TMEM143: variants seen among roughly 807,000 people sequenced by gnomAD.
TMEM143 encodes transmembrane protein 143.
A neutral mutation model predicts 40.3 loss-of-function variants in TMEM143; 45 were observed. The ratio of observed to expected loss-of-function variants is 1.12; its 90% CI spans 0.88 to 1.43. The LOEUF is 1.43. TMEM143 is among the 40% of genes most tolerant of loss of function. The probability of loss-of-function intolerance (pLI) is 0.00; values close to 1 mark genes in which losing one functional copy is unlikely to be tolerated. For synonymous variants in TMEM143, 299 were observed against 282.7 expected (o/e 1.06, Z -0.58); for missense variants, 620 against 613.4 (o/e 1.01, Z -0.11).
chr19:48,344,942 A>T (rs1218738411), intron 4 of TMEM143, among the ~76,000 whole-genome samples: 1 of 152,192 alleles, frequency 6.6e-6, no homozygotes, highest in African/African-American at 2.4e-5. Context: ...TCTTGACCTC[A>T]GGTGATCCAC....
intron 3 of TMEM143, among the ~76,000 whole-genome samples, chr19:48,359,153 G>GAACAAAAACTCCATCTGAGA (rs1377922993): frequency 6.6e-6 from 1 of 151,976 alleles, no homozygotes; most frequent in Non-Finnish European, 1.5e-5. Context: ...CTGGGCAACA[G>GAACAAAAACTCCATCTGAGA]AACAAAAACT....
intron 3 of TMEM143, among the ~76,000 whole-genome samples, chr19:48,354,560 C>T (rs769093156): frequency 1.3e-5 from 2 of 152,108 alleles, no homozygotes; most frequent in African/African-American, 2.4e-5. Flanking sequence ...TCACTGTGCC[C>T]GGCCAAATTT....
rs771765528 is a variant in TMEM143 at position 48,333,983 on chromosome 19, G to A, written c.1165+25C>T. The A allele has an allele frequency of 1.3e-6, 2 of 1,509,476 alleles. No individual in the cohort carries two copies. Among genetic ancestry groups the A allele is most frequent in the Non-Finnish European group, 1.8e-6 (2 of 1,129,312 alleles). 93.5% of individuals were successfully genotyped at this position (1,509,476 alleles called of 1,614,324 possible). On this transcript the variant is annotated intron_variant, in intron 7 of 7. Transcript: ENST00000293261. The surrounding 1 kb of genome is among the most constrained non-coding windows in gnomAD (Gnocchi z 4.1). ...CCTCGCGGGGGTGTGGCCCCTGGGGGCAGGGTCCCAGGGCCACGTCCTACC... is the reference window on the plus strand; with the variant it reads ...CCTCGCGGGGGTGTGGCCCCTGGGGACAGGGTCCCAGGGCCACGTCCTACC...
chr19:48,355,690 T>C (rs1969873957), intron 3 of TMEM143, among the ~76,000 whole-genome samples: 1 of 152,198 alleles, frequency 6.6e-6, no homozygotes, highest in Non-Finnish European at 1.5e-5. Flanking sequence ...GCAGCAGGCC[T>C]GGGTTGTCCA....
intron 6 of TMEM143, among the ~76,000 whole-genome samples, chr19:48,335,267 G>A (rs1281154351): frequency 2.0e-5 from 3 of 152,024 alleles, no homozygotes; most frequent in Non-Finnish European, 4.4e-5. Flanking sequence ...CTATAATGAA[G>A]GAAAAAATGG....
intron 3 of TMEM143, among the ~76,000 whole-genome samples, chr19:48,352,250 A>AAAAAAAAAAC (rs1478634462): frequency 6.8e-6 from 1 of 147,722 alleles, no homozygotes; most frequent in African/African-American, 2.5e-5. Flanking sequence ...CTGTCTCAAA[A>AAAAAAAAAAC]AAAAAAAAAA....
chr19:48,333,478 G>A lies in TMEM143; in HGVS notation c.1166-45C>T. 1 of 1,393,572 alleles carries A rather than the reference G, an allele frequency of 7.2e-7. No individual in the cohort carries two copies. Among genetic ancestry groups the A allele is most frequent in the African/African-American group, 1.4e-5 (1 of 70,354 alleles). 86.3% of individuals were successfully genotyped at this position (1,393,572 alleles called of 1,614,324 possible). ...TGTTCTGAGGTCACACTGAGATCGG[G>A]GAAGATTCGAGGGAGCAGCAAGGAG... On this transcript the variant is annotated intron_variant, in intron 7 of 7. Coordinates refer to ENST00000293261, the MANE Select transcript of TMEM143 (RefSeq NM_018273.4). This position sits in a 1 kb window ranked among gnomAD's most constrained non-coding sequence, Gnocchi z 4.1.
chr19:48,359,631 C>T (rs369825049), intron 3 of TMEM143, among the ~76,000 whole-genome samples: 35 of 151,840 alleles, frequency 2.3e-4, no homozygotes, highest in African/African-American at 6.8e-4. Flanking sequence ...CTCAGCCTCC[C>T]GAGTAGCTGG....
chr19:48,362,054 TTG>T (rs1453382261), intron 2 of TMEM143, among the ~76,000 whole-genome samples: 5 of 149,782 alleles, frequency 3.3e-5, no homozygotes, highest in African/African-American at 1.0e-4. Context: ...GTGCATATAT[TTG>T]TGTGTGCGTG....
chr19:48,347,270 T>A (rs1282065468), intron 3 of TMEM143, among the ~76,000 whole-genome samples: 1 of 152,116 alleles, frequency 6.6e-6, no homozygotes, highest in Non-Finnish European at 1.5e-5. Flanking sequence ...AGGGGTCCTA[T>A]GAAGCAGCTT....
chr19:48,350,463 G>T (rs896020585), intron 3 of TMEM143, among the ~76,000 whole-genome samples: 1 of 152,004 alleles, frequency 6.6e-6, no homozygotes, highest in Admixed American at 6.6e-5. Flanking sequence ...CATGCCCATC[G>T]CCCTCATGGT....
rs530568986 is a variant in TMEM143, at chr19:48,360,226, G to A, written c.265-50C>T. 1,096 of 1,561,400 alleles carry A rather than the reference G, an allele frequency of 7.0e-4. 9 individuals carry two copies. The South Asian group carries it at 0.011, about 16-fold the overall frequency. Reference sequence around the variant, plus strand: ...CTCTGTAGGCCTTTTCCCCTTCCCCGAGGGAAAGAATTCTTTCCCTGGCTG... The same window carrying A: ...CTCTGTAGGCCTTTTCCCCTTCCCCAAGGGAAAGAATTCTTTCCCTGGCTG... On this transcript the variant is annotated intron_variant, in intron 2 of 7. Transcript: ENST00000293261.
chr19:48,333,203 G>A lies in TMEM143; in HGVS notation c.*16C>T. Reference sequence around the variant, plus strand: ...TAGTTCCTAGCCTGCTGACTGGGCAGGGAGGTAGGTTCTACTCAGGAGATG... The same window carrying A: ...TAGTTCCTAGCCTGCTGACTGGGCAAGGAGGTAGGTTCTACTCAGGAGATG... On this transcript the variant is annotated 3_prime_UTR_variant, in exon 8 of 8. Coordinates refer to ENST00000293261, the MANE Select transcript of TMEM143 (RefSeq NM_018273.4). This position sits in a 1 kb window ranked among gnomAD's most constrained non-coding sequence, Gnocchi z 4.1. 1 of 1,431,604 alleles carries A rather than the reference G, an allele frequency of 7.0e-7. No individual in the cohort carries two copies. The highest frequency in any genetic ancestry group is 9.3e-7 in the Non-Finnish European group (1 of 1,077,688). 88.7% of individuals were successfully genotyped at this position (1,431,604 alleles called of 1,614,324 possible). A position where few individuals can be genotyped will look rare whatever the true frequency, so the allele number is the denominator to read the frequency against.
chr19:48,334,474 CTTTCTT>C, intron 6 of TMEM143, among the ~76,000 whole-genome samples: 4 of 47,864 alleles, frequency 8.4e-5, no homozygotes, highest in African/African-American at 2.5e-4. Context: ...TTCTTTCTTT[CTTTCTT>C]TTTCTTTCTT....
At position 48,352,876 on chromosome 19, in the gene TMEM143, CA is replaced by C. The variant is rs1969807960; in HGVS notation, c.369+7195del. ...AAATGATCCTCCCACCTCAGCCTCC[CA>C]AAGTGTTAGAGTTACAGGCATAAGC... On this transcript the variant is annotated intron_variant, in intron 3 of 7. Coordinates refer to ENST00000293261, the MANE Select transcript of TMEM143 (RefSeq NM_018273.4). Among the ~76,000 whole-genome samples, 3 of 152,160 alleles carry C rather than the reference CA, an allele frequency of 2.0e-5. No homozygotes were observed. In the South Asian group the frequency reaches 6.2e-4, roughly 32 times the overall value.
intron 3 of TMEM143, among the ~76,000 whole-genome samples, chr19:48,355,764 C>G (rs1038800525): frequency 6.6e-6 from 1 of 152,194 alleles, no homozygotes; most frequent in Non-Finnish European, 1.5e-5. Flanking sequence ...ACCTCTAAGC[C>G]CTTGGAATGT....
chr19:48,342,228 G>A (rs1404465634), intron 6 of TMEM143, among the ~76,000 whole-genome samples: 1 of 138,860 alleles, frequency 7.2e-6, no homozygotes, highest in Non-Finnish European at 1.6e-5. Context: ...GAAGGGAAGG[G>A]AAAGGGGAAA....
chr19:48,352,262 A>AAAAAAAAAAAAC (rs74518287), intron 3 of TMEM143, among the ~76,000 whole-genome samples: 2 of 145,062 alleles, frequency 1.4e-5, no homozygotes, highest in South Asian at 2.2e-4. Context: ...AAAAAAAAAA[A>AAAAAAAAAAAAC]CACCATATCT....
chr19:48,360,691 C>T (rs1330729709), intron 2 of TMEM143: 1 of 154,960 alleles, frequency 6.5e-6, no homozygotes, highest in African/African-American at 2.4e-5. Context: ...GCTGGAGGTT[C>T]AAGTTTTTGC....
Sources: allele counts gnomAD v4.1 joint callset (sites outside exome capture counted in the v4.1 genomes callset), GRCh38; gene constraint gnomAD v4.1.1; non-coding constraint Gnocchi (gnomAD v3.1); transcripts MANE v1.5; gene names NCBI Gene and HGNC (gene_info 2026-07-23, HGNC 2026-07-21).